ACOXL: variants seen among roughly 807,000 people sequenced by gnomAD.
The protein encoded by ACOXL is acyl-coenzyme A oxidase-like protein.
A neutral mutation model predicts 71.9 loss-of-function variants in ACOXL; 70 were observed. The observed-to-expected ratio is 0.97, with a 90% confidence interval of 0.80 to 1.19. ACOXL has a LOEUF of 1.19. ACOXL is among the 50% of genes most tolerant of loss of function. The pLI is 0.00. For synonymous variants in ACOXL, 253 were observed against 281.6 expected (o/e 0.90, Z 1.02); for missense variants, 703 against 736.3 (o/e 0.95, Z 0.52).
rs1411242394 is a variant in ACOXL, at chr2:111,078,397, GGGATTGC to G, written c.1441-14467_1441-14461del. ...TCATGCCTCAGCCTCCCAAGTAGCT[GGGATTGC>G]AGGCACCCACCACCATGCCCAGCTA... On this transcript the variant is annotated intron_variant, in intron 16 of 17. Coordinates refer to ENST00000439055, the MANE Select transcript of ACOXL (RefSeq NM_001142807.4). Among the ~76,000 whole-genome samples, 4 of 152,172 alleles carry G rather than the reference GGGATTGC, an allele frequency of 2.6e-5. No individual in the cohort carries two copies. The East Asian group carries it at 7.7e-4, about 29-fold the overall frequency.
intron 9 of ACOXL, among the ~76,000 whole-genome samples, chr2:110,834,864 A>G (rs897804526): frequency 3.3e-5 from 5 of 152,222 alleles, no homozygotes; most frequent in African/African-American, 1.2e-4. Flanking sequence ...CAACTTTTCA[A>G]GTCTGGGTAA....
intron 12 of ACOXL, among the ~76,000 whole-genome samples, chr2:110,976,236 G>A (rs1574351891): frequency 6.6e-6 from 1 of 152,130 alleles, no homozygotes; most frequent in Non-Finnish European, 1.5e-5. Flanking sequence ...AGGATGCAAC[G>A]GCTTCTCAAC....
intron 1 of ACOXL, 108 bp from the exon 2 acceptor site, chr2:110,768,260 G>A: frequency 2.5e-6 from 2 of 786,950 alleles, no homozygotes; most frequent in Non-Finnish European, 4.3e-6. Context: ...TATCAAACAA[G>A]CATTACAATG....
At chr2:111,048,972 G>A (rs746866192) in intron 15 of ACOXL, among the ~76,000 whole-genome samples, 5 of 152,192 alleles carry the variant, frequency 3.3e-5, no homozygotes, top group Admixed American at 6.5e-5. Flanking sequence ...GCAGTTTAGG[G>A]AGGAGCTTTG....
intron 10 of ACOXL, among the ~76,000 whole-genome samples, chr2:110,871,754 G>A (rs150763383): frequency 6.6e-6 from 1 of 152,268 alleles, no homozygotes; most frequent in African/African-American, 2.4e-5. Flanking sequence ...GCCATAGCAC[G>A]CTGAGACGTC....
chr2:110,813,390 C>T (rs996425998), intron 9 of ACOXL, among the ~76,000 whole-genome samples: 14 of 152,272 alleles, frequency 9.2e-5, no homozygotes, highest in African/African-American at 3.4e-4. Flanking sequence ...GTGACTGCTT[C>T]CCAGTGCTCC....
chr2:110,820,896 G>A (rs922127075), intron 9 of ACOXL, among the ~76,000 whole-genome samples: 2 of 152,176 alleles, frequency 1.3e-5, no homozygotes, highest in African/African-American at 4.8e-5. Flanking sequence ...GGTGGGAGAA[G>A]GTGTAGGGAG....
chr2:110,848,458 C>T (rs1692185297), intron 10 of ACOXL, among the ~76,000 whole-genome samples: 1 of 152,202 alleles, frequency 6.6e-6, no homozygotes, highest in African/African-American at 2.4e-5. Flanking sequence ...TAAATGGCAG[C>T]CTATGAATAT....
At chr2:110,840,431 C>T (rs183002745) in intron 9 of ACOXL, among the ~76,000 whole-genome samples, 75 of 152,230 alleles carry the variant, frequency 4.9e-4, no homozygotes, top group African/African-American at 1.6e-3. Flanking sequence ...AATAGGCACA[C>T]GCATACACAC....
At chr2:111,098,290 A>T (rs1031265813) in intron 17 of ACOXL, 13 of 152,266 alleles carry the variant, frequency 8.5e-5, no homozygotes, top group Admixed American at 8.5e-4. Flanking sequence ...ATACACTAAC[A>T]CTAGTGACAG....
At chr2:110,871,494 C>T (rs1053813591) in intron 10 of ACOXL, among the ~76,000 whole-genome samples, 2 of 151,942 alleles carry the variant, frequency 1.3e-5, no homozygotes, top group East Asian at 1.9e-4. Context: ...CCATTCGTCT[C>T]GGGGGACTGC....
intron 12 of ACOXL, among the ~76,000 whole-genome samples, chr2:110,941,371 A>T (rs929996854): frequency 2.0e-5 from 3 of 152,222 alleles, no homozygotes; most frequent in African/African-American, 7.2e-5. Flanking sequence ...TATGTATGCT[A>T]AACAGTTTGC....
chr2:110,956,080 C>T (rs2061490708), intron 12 of ACOXL, among the ~76,000 whole-genome samples: 1 of 151,862 alleles, frequency 6.6e-6, no homozygotes, highest in Admixed American at 6.6e-5. Flanking sequence ...GGATTACAGG[C>T]AAGTGCTACT....
At chr2:111,029,234 A>AT (rs2065153617) in intron 14 of ACOXL, among the ~76,000 whole-genome samples, 1 of 152,212 alleles carries the variant, frequency 6.6e-6, no homozygotes, top group Non-Finnish European at 1.5e-5. Flanking sequence ...CAGCCATATC[A>AT]TTTTTTAAAT....
intron 12 of ACOXL, among the ~76,000 whole-genome samples, chr2:110,944,729 C>A (rs1272370201): frequency 6.6e-6 from 1 of 152,152 alleles, no homozygotes; most frequent in Non-Finnish European, 1.5e-5. Context: ...ACCACATTTT[C>A]TTTATCCAGT....
intron 13 of ACOXL, among the ~76,000 whole-genome samples, chr2:110,993,088 A>G (rs1438773875): frequency 1.3e-5 from 2 of 152,196 alleles, no homozygotes; most frequent in African/African-American, 4.8e-5. Flanking sequence ...AGACATCAGC[A>G]CATTTCTAAA....
chr2:111,085,543 A>G (rs1279592701), intron 16 of ACOXL, among the ~76,000 whole-genome samples: 1 of 152,236 alleles, frequency 6.6e-6, no homozygotes, highest in Non-Finnish European at 1.5e-5. Context: ...GAACAGAGAT[A>G]CAATACAGCA....
At chr2:111,106,270 T>C (rs571675503) in intron 17 of ACOXL, among the ~76,000 whole-genome samples, 1 of 152,214 alleles carries the variant, frequency 6.6e-6, no homozygotes, top group Non-Finnish European at 1.5e-5. Flanking sequence ...GTTCACCAAT[T>C]CCTTCCACTG....
rs148062537 is a variant in ACOXL at position 110,962,251 on chromosome 2, C to T, written c.1060-24857C>T. 4.6e-3 allele frequency among the ~76,000 whole-genome samples: 700 copies of T among 152,346 alleles called. 3 individuals are homozygous for T. Among genetic ancestry groups the T allele is most frequent in the Non-Finnish European group, 7.3e-3 (499 of 68,032 alleles). Reference sequence around the variant, plus strand: ...AATGAGAAGGGTGGAAATGAGTCCACTGTAGCCTTATGCGGAAATCACTCT... The same window carrying T: ...AATGAGAAGGGTGGAAATGAGTCCATTGTAGCCTTATGCGGAAATCACTCT... On this transcript the variant is annotated intron_variant, in intron 12 of 17. Coordinates refer to ENST00000439055, the MANE Select transcript of ACOXL (RefSeq NM_001142807.4).
Sources: allele counts gnomAD v4.1 joint callset (sites outside exome capture counted in the v4.1 genomes callset), GRCh38; gene constraint gnomAD v4.1.1; transcripts MANE v1.5; gene names NCBI Gene and HGNC (gene_info 2026-07-23, HGNC 2026-07-21).